Variants in CARNMT1 observed in about 807,000 individuals in gnomAD.
The protein encoded by CARNMT1 is protein-L-histidine N-pros-methyltransferase CARNMT1.
In CARNMT1, 28 loss-of-function variants were observed where a neutral mutation model predicts 49.6. The ratio of observed to expected loss-of-function variants is 0.56; its 90% CI spans 0.42 to 0.77. CARNMT1 has a LOEUF of 0.77. CARNMT1 is among the 30% of genes least tolerant of loss of function. The pLI, the probability that CARNMT1 is intolerant of heterozygous loss-of-function variation, is 0.00. For synonymous variants in CARNMT1, 178 were observed against 175.0 expected, an observed-to-expected ratio of 1.02 and a Z score of -0.13; for missense variants, 421 against 512.6, an observed-to-expected ratio of 0.82 and a Z score of 1.73.
chr9:74,984,630 A>G (rs958734496), intron 7 of CARNMT1, among the ~76,000 whole-genome samples: 3 of 152,190 alleles, frequency 2.0e-5, no homozygotes, highest in Admixed American at 1.3e-4. Context: ...TATGCTTATA[A>G]GGCATATATA....
chr9:75,023,742 G>A (rs1208625654), intron 1 of CARNMT1, among the ~76,000 whole-genome samples: 1 of 152,176 alleles, frequency 6.6e-6, no homozygotes, highest in East Asian at 1.9e-4. Flanking sequence ...CAGTCTTATT[G>A]GTACAAAGCC....
chr9:74,990,312 C>T (rs901800924), intron 6 of CARNMT1, among the ~76,000 whole-genome samples: 5 of 152,116 alleles, frequency 3.3e-5, no homozygotes, highest in Admixed American at 2.0e-4. Context: ...AGAGGAGCAA[C>T]ATTTTAAAAA....
chr9:75,020,546 G>A (rs544070670), intron 1 of CARNMT1, among the ~76,000 whole-genome samples: 83 of 152,196 alleles, frequency 5.5e-4, no homozygotes, highest in Non-Finnish European at 9.1e-4. Flanking sequence ...GATTATAGGC[G>A]TGAGCCACCG....
intron 3 of CARNMT1, among the ~76,000 whole-genome samples, chr9:75,012,214 T>A (rs1447005513): frequency 6.6e-6 from 1 of 152,162 alleles, no homozygotes; most frequent in African/African-American, 2.4e-5. Context: ...CACTTATATC[T>A]GAGCTCTGAA....
intron 3 of CARNMT1, among the ~76,000 whole-genome samples, chr9:75,012,485 C>G (rs968404430): frequency 1.1e-4 from 16 of 151,980 alleles, no homozygotes; most frequent in African/African-American, 3.6e-4. Context: ...CGGGGTTTCG[C>G]CATGTTAGCC....
intron 7 of CARNMT1, among the ~76,000 whole-genome samples, chr9:74,984,704 A>G (rs1832777462): frequency 6.6e-6 from 1 of 152,220 alleles, no homozygotes; most frequent in Non-Finnish European, 1.5e-5. Context: ...GTATATGCAT[A>G]TATTGCAAAA....
At chr9:75,019,511 C>T (rs1180631989) in intron 1 of CARNMT1, among the ~76,000 whole-genome samples, 3 of 152,130 alleles carry the variant, frequency 2.0e-5, no homozygotes, top group African/African-American at 4.8e-5. Flanking sequence ...AGCCTGATAA[C>T]ATTAAAGTCT....
At chr9:74,998,497 T>G in intron 5 of CARNMT1, 101 bp downstream of exon 5, 9 of 945,738 alleles carry the variant, frequency 9.5e-6, no homozygotes, top group Non-Finnish European at 1.3e-5. Flanking sequence ...CCTTATGTTC[T>G]ACCATCAAAA....
Position 75,017,467 on chromosome 9 carries a change from T to C in CARNMT1, c.231-19A>G. 3.7e-6 allele frequency: 6 copies of C among 1,602,378 alleles called. No individual in the cohort carries two copies. The highest frequency in any genetic ancestry group is 3.3e-4 in the Middle Eastern group (2 of 6,004). On this transcript the variant is annotated intron_variant, in intron 1 of 7. Transcript: ENST00000376834. Reference sequence around the variant, plus strand: ...ACTGGTGCTAAAACATAAAAGGTGTTTTTTAAATTCACAAAAGAATTCTCA... The same window carrying C: ...ACTGGTGCTAAAACATAAAAGGTGTCTTTTAAATTCACAAAAGAATTCTCA...
At position 74,983,755 on chromosome 9, in the gene CARNMT1, C is replaced by G; in HGVS notation, c.*12G>C. 1 of 1,518,366 alleles carries G rather than the reference C, an allele frequency of 6.6e-7. No individual in the cohort carries two copies. Among genetic ancestry groups the G allele is most frequent in the Non-Finnish European group, 9.0e-7 (1 of 1,113,670 alleles). 94.1% of individuals were successfully genotyped at this position (1,518,366 alleles called of 1,614,324 possible). A position where few individuals can be genotyped will look rare whatever the true frequency, so the allele number is the denominator to read the frequency against. On this transcript the variant is annotated 3_prime_UTR_variant, in exon 8 of 8. Transcript: ENST00000376834. ...TACTAAACTTTTTTCCAGGTGGTAT[C>G]ACTTGAGACCATTATTGTGGCTTAC...
At chr9:74,984,327 A>T (rs748520876) in intron 7 of CARNMT1, among the ~76,000 whole-genome samples, 2 of 152,158 alleles carry the variant, frequency 1.3e-5, no homozygotes, top group Non-Finnish European at 2.9e-5. Flanking sequence ...AGCCTACTCT[A>T]CTTTCTATCA....
chr9:75,008,528 G>A (rs952978768), intron 3 of CARNMT1, among the ~76,000 whole-genome samples: 6 of 151,974 alleles, frequency 3.9e-5, no homozygotes, highest in Admixed American at 1.3e-4. Flanking sequence ...GGCTGGTCTT[G>A]AACTCCTGAT....
chr9:75,015,752 C>T (rs989958087), intron 3 of CARNMT1: 3 of 150,474 alleles, frequency 2.0e-5, no homozygotes, highest in African/African-American at 7.3e-5. Context: ...CACCACTGCA[C>T]TCCAGCCTGG....
Position 74,983,799 on chromosome 9 carries a change from A to G in CARNMT1, c.1198T>C (p.Cys400Arg). The change falls in exon 8 of 8, where the codon TGT becomes CGT. Residue 400 changes from cysteine (C) to arginine (R), a missense_variant. Cys to Arg is a radical substitution (Grantham distance 180). Around this residue, in one of 2 missense-constraint regions of CARNMT1, gnomAD observed 235 missense variants for 344.8 expected, o/e 0.68. Transcript: ENST00000376834. ...GGCTTACGGACCACAAACAAGACACATTCATAGTAGTATTTCATCATAGAG... is the reference window on the plus strand; with the variant it reads ...GGCTTACGGACCACAAACAAGACACGTTCATAGTAGTATTTCATCATAGAG... The part of the protein sequence containing the change: ...DLSMMKYYYE[C>R]VLFVVRKPQ The G allele has an allele frequency of 1.9e-6, 3 of 1,609,082 alleles. No homozygotes were observed. The highest frequency in any genetic ancestry group is 2.5e-6 in the Non-Finnish European group (3 of 1,177,282).
At chr9:75,003,185 T>G (rs1299236825) in intron 3 of CARNMT1, among the ~76,000 whole-genome samples, 1 of 152,224 alleles carries the variant, frequency 6.6e-6, no homozygotes, top group African/African-American at 2.4e-5. Context: ...TCTTTAGAGC[T>G]CTTACCCACA....
At chr9:75,020,274 T>C (rs1822307742) in intron 1 of CARNMT1, among the ~76,000 whole-genome samples, 1 of 148,006 alleles carries the variant, frequency 6.8e-6, no homozygotes, top group Non-Finnish European at 1.5e-5. Flanking sequence ...CTTCTTTTTT[T>C]TTTTTTTTTT....
At chr9:74,995,937 A>G (rs184113140) in intron 6 of CARNMT1, 1 of 152,330 alleles carries the variant, frequency 6.6e-6, no homozygotes, top group African/African-American at 2.4e-5. Flanking sequence ...AGTAAGTAGA[A>G]TGCAGTAAAA....
intron 3 of CARNMT1, among the ~76,000 whole-genome samples, chr9:75,007,180 T>A (rs1833535877): frequency 6.6e-6 from 1 of 152,178 alleles, no homozygotes; most frequent in Admixed American, 6.5e-5. Flanking sequence ...GGGCACTGAA[T>A]ATATTGAGAG....
chr9:74,997,698 C>G (rs1261062091), intron 5 of CARNMT1, among the ~76,000 whole-genome samples: 1 of 151,700 alleles, frequency 6.6e-6, no homozygotes, highest in Admixed American at 6.6e-5. Flanking sequence ...TTAGTTTCTA[C>G]TCTTAGAAAG....
Sources: gnomAD v4.1 joint callset for allele counts (sites outside exome capture counted in the v4.1 genomes callset) on GRCh38, gnomAD v4.1.1 for gene constraint, gnomAD v4.1.1 regional missense constraint, MANE v1.5 for transcripts, NCBI Gene and HGNC (gene_info 2026-07-23, HGNC 2026-07-21) for gene names.